Variants in HYCC1 observed in about 807,000 individuals in gnomAD.
HYCC1 encodes the protein hyccin PI4KA lipid kinase complex subunit 1, also known as hyccin.
the HYCC1 span, chr7:22,978,210 C>T: frequency 3.6e-4 from 527 of 1,476,104 alleles, 1 homozygote; most frequent in African/African-American, 1.2e-3. Flanking sequence ...AAAGCAGTTG[C>T]ACAGGTTATA....
the HYCC1 span, among the ~76,000 whole-genome samples, chr7:23,013,635 G>C: frequency 6.6e-6 from 1 of 152,082 alleles, no homozygotes; most frequent in South Asian, 2.1e-4. Context: ...CGAGTCGCGC[G>C]CACAAAGCTG....
At chr7:22,934,626 T>C in the HYCC1 span, 2 of 152,182 alleles carry the variant, frequency 1.3e-5, no homozygotes, top group African/African-American at 4.8e-5. Flanking sequence ...ATGGCTATGA[T>C]TTATTAGAGA....
At chr7:22,999,828 C>G in the HYCC1 span, among the ~76,000 whole-genome samples, 25 of 151,932 alleles carry the variant, frequency 1.6e-4, no homozygotes, top group Non-Finnish European at 2.8e-4. Context: ...AATTGTAATC[C>G]AGATGGCAAA....
At chr7:22,907,389 G>A in the HYCC1 span, among the ~76,000 whole-genome samples, 2 of 152,160 alleles carry the variant, frequency 1.3e-5, no homozygotes, top group East Asian at 3.9e-4. Flanking sequence ...GCCTGTCCAG[G>A]CAACCTCATC....
At chr7:22,933,445 T>C in the HYCC1 span, among the ~76,000 whole-genome samples, 1 of 152,204 alleles carries the variant, frequency 6.6e-6, no homozygotes, top group Non-Finnish European at 1.5e-5. Context: ...ATTTTCTTTG[T>C]TTTGATTTAA....
At chr7:22,933,389 G>A in the HYCC1 span, among the ~76,000 whole-genome samples, 1 of 152,066 alleles carries the variant, frequency 6.6e-6, no homozygotes, top group African/African-American at 2.4e-5. Context: ...TTTTGTGATA[G>A]TTGACCTTTT....
the HYCC1 span, among the ~76,000 whole-genome samples, chr7:22,953,987 T>C: frequency 6.6e-6 from 1 of 151,732 alleles, no homozygotes; most frequent in African/African-American, 2.4e-5. Context: ...TAATTGCCGA[T>C]GTAAAAATCA....
the HYCC1 span, among the ~76,000 whole-genome samples, chr7:22,955,436 T>C: frequency 2.6e-5 from 4 of 151,666 alleles, no homozygotes; most frequent in Admixed American, 2.0e-4. Context: ...GGAAGAATGA[T>C]GGGCAGCAAT....
chr7:23,003,836 AAC>A, the HYCC1 span, among the ~76,000 whole-genome samples: 1 of 152,210 alleles, frequency 6.6e-6, no homozygotes, highest in Non-Finnish European at 1.5e-5. Flanking sequence ...AATGTAAGTA[AAC>A]ACAGTTAATG....
At chr7:22,909,075 A>G in the HYCC1 span, among the ~76,000 whole-genome samples, 1 of 152,130 alleles carries the variant, frequency 6.6e-6, no homozygotes, top group Non-Finnish European at 1.5e-5. Context: ...CCACACATGG[A>G]CTTCTCCTGG....
chr7:22,907,893 C>A, the HYCC1 span, among the ~76,000 whole-genome samples: 1 of 152,160 alleles, frequency 6.6e-6, no homozygotes, highest in African/African-American at 2.4e-5. Context: ...GCCTGAGCAA[C>A]AGAACAAGAG....
chr7:22,959,359 G>A, the HYCC1 span, among the ~76,000 whole-genome samples: 7 of 152,088 alleles, frequency 4.6e-5, no homozygotes, highest in East Asian at 1.4e-3. Context: ...TTTCTCTATA[G>A]AAACCACAAC....
At chr7:22,977,896 C>T in the HYCC1 span, among the ~76,000 whole-genome samples, 125 of 152,232 alleles carry the variant, frequency 8.2e-4, no homozygotes, top group African/African-American at 2.7e-3. Flanking sequence ...TTTTATGCAA[C>T]TATGATTGGT....
chr7:23,011,632 C>T, the HYCC1 span, among the ~76,000 whole-genome samples: 1 of 152,140 alleles, frequency 6.6e-6, no homozygotes, highest in African/African-American at 2.4e-5. Flanking sequence ...GGCCCTCTAC[C>T]ACCCTCACTA....
the HYCC1 span, chr7:22,946,033 C>T: frequency 1.9e-6 from 3 of 1,613,602 alleles, no homozygotes; most frequent in African/African-American, 2.7e-5. Flanking sequence ...CTATACTTGG[C>T]TTGTTACTAC....
the HYCC1 span, among the ~76,000 whole-genome samples, chr7:22,920,447 C>T: frequency 6.6e-6 from 1 of 152,004 alleles, no homozygotes; most frequent in Admixed American, 6.6e-5. Context: ...TTTGACTAAC[C>T]TTAGGCAATA....
the HYCC1 span, among the ~76,000 whole-genome samples, chr7:22,909,549 A>T: frequency 6.6e-6 from 1 of 152,210 alleles, no homozygotes; most frequent in Non-Finnish European, 1.5e-5. Flanking sequence ...TTGCCATAAT[A>T]AACCATAACC....
At chr7:22,932,044 T>TG in the HYCC1 span, among the ~76,000 whole-genome samples, 2 of 152,112 alleles carry the variant, frequency 1.3e-5, no homozygotes, top group Non-Finnish European at 2.9e-5. Context: ...TGAGAAAATA[T>TG]GGTCTGGAGA....
chr7:23,005,524 A>T, the HYCC1 span, among the ~76,000 whole-genome samples: 1 of 152,190 alleles, frequency 6.6e-6, no homozygotes, highest in Non-Finnish European at 1.5e-5. Context: ...TAGTTACTCC[A>T]TCCTTATTTA....
Sources: gnomAD v4.1 joint callset for allele counts (sites outside exome capture counted in the v4.1 genomes callset) on GRCh38, gnomAD v4.1.1 for gene constraint, MANE v1.5 for transcripts, NCBI Gene and HGNC (gene_info 2026-07-23, HGNC 2026-07-21) for gene names.